The following GRIN2A variants were observed in gnomAD, a reference collection of about 807,000 sequenced individuals.
GRIN2A encodes glutamate receptor ionotropic, NMDA 2A.
GRIN2A carries 22 observed loss-of-function variants against 113.4 expected under a neutral mutation model. The ratio of observed to expected loss-of-function variants is 0.19; its 90% CI spans 0.14 to 0.28. The LOEUF is 0.28. Ranked by LOEUF, GRIN2A falls within the 10% of genes least tolerant of loss-of-function variation. The pLI is 1.00. For synonymous variants in GRIN2A, 827 were observed against 738.4 expected, an observed-to-expected ratio of 1.12 and a Z score of -1.94; for missense variants, 1,502 against 1,887.0, an observed-to-expected ratio of 0.80 and a Z score of 3.78.
chr16:10,042,644 C>T (rs997319884), intron 2 of GRIN2A, among the ~76,000 whole-genome samples: 2 of 152,152 alleles, frequency 1.3e-5, no homozygotes, highest in Non-Finnish European at 2.9e-5. Context: ...ATTTGTTATG[C>T]ACCAATAGCT....
At chr16:9,842,252 C>CA (rs57369493) in intron 5 of GRIN2A, among the ~76,000 whole-genome samples, 108 of 137,046 alleles carry the variant, frequency 7.9e-4, no homozygotes, top group Middle Eastern at 3.6e-3. Context: ...ACTCTGTCTC[C>CA]AAAAAAAAAA....
At chr16:10,116,718 C>A (rs1253080857) in intron 2 of GRIN2A, among the ~76,000 whole-genome samples, 1 of 152,078 alleles carries the variant, frequency 6.6e-6, no homozygotes, top group Middle Eastern at 3.2e-3. Context: ...GGATTTAACC[C>A]CACAAGGGCC....
intron 2 of GRIN2A, chr16:10,111,728 C>T (rs539754148): frequency 7.2e-6 from 11 of 1,536,422 alleles, no homozygotes; most frequent in Admixed American, 3.4e-5. Context: ...GGCTTCATCA[C>T]GGACCCCGTG....
chr16:9,995,526 AC>A (rs1308812231), intron 2 of GRIN2A, among the ~76,000 whole-genome samples: 1 of 152,202 alleles, frequency 6.6e-6, no homozygotes, highest in East Asian at 1.9e-4. Context: ...CTACAGTAAC[AC>A]AACTTCCAAG....
intron 3 of GRIN2A, 73 bp downstream of exon 3, chr16:9,937,886 G>T: frequency 9.7e-7 from 1 of 1,031,400 alleles, no homozygotes; most frequent in Non-Finnish European, 1.5e-6. Context: ...CCAACAATGA[G>T]TATGTAAGCA....
chr16:9,806,114 G>T (rs7184078), intron 10 of GRIN2A, among the ~76,000 whole-genome samples: 1 of 152,160 alleles, frequency 6.6e-6, no homozygotes, highest in Non-Finnish European at 1.5e-5. Flanking sequence ...CTTGCATAGC[G>T]TAGTTAAATT....
chr16:10,112,734 A>C (rs1363419662), intron 2 of GRIN2A: 2 of 732,250 alleles, frequency 2.7e-6, no homozygotes, highest in Non-Finnish European at 5.1e-6. Flanking sequence ...CAAAGGGTCC[A>C]TTCAGAAGTT....
intron 2 of GRIN2A, among the ~76,000 whole-genome samples, chr16:10,001,824 G>T (rs1014276148): frequency 5.9e-5 from 9 of 152,140 alleles, no homozygotes; most frequent in African/African-American, 1.9e-4. Flanking sequence ...AGAAAAAAGA[G>T]CAAATTTGAG....
At position 9,870,968 on chromosome 16, in the gene GRIN2A, C is replaced by G. The variant is rs139248581; in HGVS notation, c.1122+20018G>C. On this transcript the variant is annotated intron_variant, in intron 4 of 12. Transcript: ENST00000330684. ...AACTTTCAAATTTAAGGACTATTCTCATGTCTCTTTTCCAATGTCATTTTG... is the reference window on the plus strand; with the variant it reads ...AACTTTCAAATTTAAGGACTATTCTGATGTCTCTTTTCCAATGTCATTTTG... 2.2e-3 allele frequency among the ~76,000 whole-genome samples: 341 copies of G among 152,276 alleles called. 1 individual carries two copies. The highest frequency in any genetic ancestry group is 7.9e-3 in the African/African-American group (327 of 41,570).
intron 4 of GRIN2A, among the ~76,000 whole-genome samples, chr16:9,870,637 T>C (rs1251004171): frequency 4.0e-5 from 6 of 150,430 alleles, no homozygotes; most frequent in African/African-American, 1.2e-4. Flanking sequence ...TCTTTTTTTT[T>C]TTTTTTTCTT....
chr16:9,946,283 G>T (rs181279414), intron 2 of GRIN2A, among the ~76,000 whole-genome samples: 1 of 152,318 alleles, frequency 6.6e-6, no homozygotes, highest in Non-Finnish European at 1.5e-5. Flanking sequence ...ATTATGGATT[G>T]TCTGGGGCTA....
chr16:10,122,102 A>C (rs72776039), intron 2 of GRIN2A, among the ~76,000 whole-genome samples: 10,386 of 152,266 alleles, frequency 0.068, 473 homozygotes, highest in Non-Finnish European at 0.11. Flanking sequence ...ACCAGCTGTG[A>C]AACTGGTAAC....
chr16:10,069,639 C>A (rs2047713529), intron 2 of GRIN2A, among the ~76,000 whole-genome samples: 1 of 152,256 alleles, frequency 6.6e-6, no homozygotes, highest in African/African-American at 2.4e-5. Flanking sequence ...TGGCCAGGGG[C>A]CATTAGATGC....
chr16:9,777,802 G>T (rs1040109635), intron 11 of GRIN2A, among the ~76,000 whole-genome samples: 1 of 152,192 alleles, frequency 6.6e-6, no homozygotes, highest in Non-Finnish European at 1.5e-5. Context: ...AGTGGCTCAC[G>T]CCTGTAATCC....
chr16:9,965,642 T>C (rs1456327276), intron 2 of GRIN2A, among the ~76,000 whole-genome samples: 1 of 152,202 alleles, frequency 6.6e-6, no homozygotes, highest in African/African-American at 2.4e-5. Flanking sequence ...GTCCAGTCCA[T>C]GTCTAGCACA....
intron 2 of GRIN2A, among the ~76,000 whole-genome samples, chr16:9,965,831 G>T (rs111940170): frequency 6.6e-4 from 101 of 152,310 alleles, no homozygotes; most frequent in African/African-American, 2.1e-3. Flanking sequence ...ACACAGCCAA[G>T]CCCTTTCCTG....
chr16:9,902,603 A>G (rs927813161), intron 3 of GRIN2A, among the ~76,000 whole-genome samples: 1 of 152,182 alleles, frequency 6.6e-6, no homozygotes, highest in East Asian at 1.9e-4. Flanking sequence ...AAAATCTTTC[A>G]GATTTCAAAG....
chr16:10,076,605 ACT>A (rs2047877866), intron 2 of GRIN2A, among the ~76,000 whole-genome samples: 1 of 152,096 alleles, frequency 6.6e-6, no homozygotes, highest in African/African-American at 2.4e-5. Flanking sequence ...AATCCAGAGC[ACT>A]CTCTGGGGTG....
intron 2 of GRIN2A, among the ~76,000 whole-genome samples, chr16:10,123,855 T>G (rs1355494089): frequency 1.3e-5 from 2 of 152,204 alleles, no homozygotes; most frequent in African/African-American, 2.4e-5. Flanking sequence ...GCTTCCACAT[T>G]TGCAGAATAG....
Sources: allele counts gnomAD v4.1 joint callset (sites outside exome capture counted in the v4.1 genomes callset), GRCh38; gene constraint gnomAD v4.1.1; transcripts MANE v1.5; gene names NCBI Gene and HGNC (gene_info 2026-07-23, HGNC 2026-07-21).